The following ELMO1 variants were observed in gnomAD, a reference collection of about 807,000 sequenced individuals.
ELMO1 encodes the protein engulfment and cell motility 1.
In ELMO1, 26 loss-of-function variants were observed where a neutral mutation model predicts 98.9. The observed-to-expected ratio is 0.26, with a 90% CI of 0.19 to 0.36. ELMO1 has a LOEUF of 0.36. ELMO1 is among the 10% of genes least tolerant of loss of function. The probability of loss-of-function intolerance (pLI) is 1.00; values close to 1 mark genes in which losing one functional copy is unlikely to be tolerated. For missense variants in ELMO1, 627 were observed against 935.2 expected, an observed-to-expected ratio of 0.67 and a Z score of 4.30; for synonymous variants, 346 against 346.0, an observed-to-expected ratio of 1.00 and a Z score of 0.00.
At chr7:37,407,236 G>A (rs775849724) in intron 1 of ELMO1, among the ~76,000 whole-genome samples, 6 of 152,114 alleles carry the variant, frequency 3.9e-5, no homozygotes, top group African/African-American at 9.7e-5. Context: ...AGGGTCTGGC[G>A]CGGTGGCTCA....
chr7:37,065,883 AC>A (rs1380529710), intron 15 of ELMO1, among the ~76,000 whole-genome samples: 1 of 152,090 alleles, frequency 6.6e-6, no homozygotes, highest in Non-Finnish European at 1.5e-5. Flanking sequence ...CTGTGTCCCC[AC>A]CCAGATCTCA....
At chr7:37,090,647 G>T (rs1784033004) in intron 15 of ELMO1, among the ~76,000 whole-genome samples, 1 of 152,078 alleles carries the variant, frequency 6.6e-6, no homozygotes, top group African/African-American at 2.4e-5. Context: ...ATGACTGCCT[G>T]ATATCTCTTT....
At chr7:37,247,218 G>A (rs1023670091) in intron 6 of ELMO1, among the ~76,000 whole-genome samples, 2 of 152,138 alleles carry the variant, frequency 1.3e-5, no homozygotes, top group Non-Finnish European at 2.9e-5. Flanking sequence ...GAGGAACAAA[G>A]GAAAGGTTGG....
intron 1 of ELMO1, among the ~76,000 whole-genome samples, chr7:37,414,820 A>G (rs1804145786): frequency 6.6e-6 from 1 of 152,198 alleles, no homozygotes; most frequent in East Asian, 1.9e-4. Flanking sequence ...GTTACAATGA[A>G]CCTTTCCCTG....
chr7:36,881,195 T>C (rs3778709), intron 18 of ELMO1, among the ~76,000 whole-genome samples: 53,678 of 152,030 alleles, frequency 0.35, 9,751 homozygotes, highest in African/African-American at 0.43. Flanking sequence ...AATGGGAGGC[T>C]ACTCAGCCAG....
chr7:36,947,042 GA>G (rs774376983), intron 16 of ELMO1, among the ~76,000 whole-genome samples: 1 of 152,130 alleles, frequency 6.6e-6, no homozygotes, highest in Non-Finnish European at 1.5e-5. Flanking sequence ...GCACAATGCT[GA>G]GGTTTGGACT....
rs1365238647 is a variant in ELMO1, at chr7:37,109,596, G to A, written c.1192-12869C>T. On this transcript the variant is annotated intron_variant, in intron 14 of 21. Transcript: ENST00000310758. ...ACAGAGAAGGGACAATCTGTGAAGG[G>A]GCCTCCAGGCTCAGCATTCCATGTT... 6.6e-5 allele frequency among the ~76,000 whole-genome samples: 10 copies of A among 152,092 alleles called. No individual in the cohort carries two copies. The East Asian group carries it at 1.9e-3, about 29-fold the overall frequency.
At chr7:36,889,020 C>G (rs369742018) in intron 17 of ELMO1, among the ~76,000 whole-genome samples, 20 of 152,168 alleles carry the variant, frequency 1.3e-4, no homozygotes, top group African/African-American at 4.8e-4. Flanking sequence ...GGGGAAACAA[C>G]TCGTGGAGGT....
chr7:37,041,765 A>C (rs1795522060), intron 15 of ELMO1, among the ~76,000 whole-genome samples: 1 of 152,196 alleles, frequency 6.6e-6, no homozygotes. Context: ...TTAACGTGGC[A>C]GAAAAGCAAC....
chr7:37,277,784 C>T (rs1011988049), intron 4 of ELMO1, among the ~76,000 whole-genome samples: 1 of 152,038 alleles, frequency 6.6e-6, no homozygotes, highest in Admixed American at 6.5e-5. Flanking sequence ...CAGCTGGTTA[C>T]TGAGAACGCA....
chr7:37,222,796 A>C, intron 9 of ELMO1, 103 bp from the exon 10 acceptor site: 2 of 997,190 alleles, frequency 2.0e-6, no homozygotes, highest in Non-Finnish European at 3.0e-6. Context: ...CCTCCCCCCA[A>C]AAAAAGTGAG....
At chr7:37,287,312 T>A (rs2130931761) in intron 4 of ELMO1, among the ~76,000 whole-genome samples, 1 of 152,228 alleles carries the variant, frequency 6.6e-6, no homozygotes, top group African/African-American at 2.4e-5. Flanking sequence ...CTAGAATACC[T>A]CTGTTGCAAC....
At chr7:37,408,659 C>T (rs1466499810) in intron 1 of ELMO1, among the ~76,000 whole-genome samples, 1 of 152,132 alleles carries the variant, frequency 6.6e-6, no homozygotes, top group East Asian at 1.9e-4. Context: ...AAGCCGGCCA[C>T]AAAAAGACCC....
intron 18 of ELMO1, among the ~76,000 whole-genome samples, chr7:36,885,914 C>A (rs1171331104): frequency 6.6e-6 from 1 of 152,246 alleles, no homozygotes; most frequent in Non-Finnish European, 1.5e-5. Flanking sequence ...AATCACCTCT[C>A]TTCCTCATGA....
intron 4 of ELMO1, among the ~76,000 whole-genome samples, chr7:37,282,103 A>T (rs1797170138): frequency 3.5e-3 from 1 of 288 alleles, no homozygotes; most frequent in African/African-American, 0.016. Context: ...TTTTCTCGTT[A>T]TGCCAACTTT....
chr7:37,335,126 G>A (rs1244974486), intron 2 of ELMO1, among the ~76,000 whole-genome samples: 2 of 152,084 alleles, frequency 1.3e-5, no homozygotes, highest in East Asian at 1.9e-4. Flanking sequence ...ATTACGTTAC[G>A]TGTGAAATAT....
At chr7:37,187,836 GCA>G (rs1012817663) in intron 13 of ELMO1, among the ~76,000 whole-genome samples, 5 of 152,130 alleles carry the variant, frequency 3.3e-5, no homozygotes, top group African/African-American at 1.2e-4. Flanking sequence ...GACTGAGACA[GCA>G]CAGTTTTTAA....
At chr7:37,032,150 T>A (rs1454785643) in intron 15 of ELMO1, among the ~76,000 whole-genome samples, 2 of 152,156 alleles carry the variant, frequency 1.3e-5, no homozygotes, top group Non-Finnish European at 2.9e-5. Context: ...ATGTTCACGG[T>A]GACTCAGAAG....
intron 20 of ELMO1, among the ~76,000 whole-genome samples, chr7:36,864,431 C>G (rs1457085090): frequency 6.6e-6 from 1 of 152,162 alleles, no homozygotes; most frequent in Non-Finnish European, 1.5e-5. Context: ...TTTAATTTCA[C>G]CAAAGCTGCC....
Sources: allele counts gnomAD v4.1 joint callset (sites outside exome capture counted in the v4.1 genomes callset), GRCh38; gene constraint gnomAD v4.1.1; transcripts MANE v1.5; gene names NCBI Gene and HGNC (gene_info 2026-07-23, HGNC 2026-07-21).